The following STAB1 variants were observed in gnomAD, a reference collection of about 807,000 sequenced individuals.
STAB1 encodes the protein stabilin-1.
In STAB1, 250 loss-of-function variants were observed where a neutral mutation model predicts 332.4. That is an observed-to-expected ratio of 0.75 (90% CI 0.68 to 0.84). The LOEUF is 0.84. Among genes scored for constraint, STAB1 ranks in the 40% least tolerant of loss-of-function variants. The probability of loss-of-function intolerance (pLI) is 0.00; values close to 1 mark genes in which losing one functional copy is unlikely to be tolerated. For synonymous variants in STAB1, 1,475 were observed against 1,390.4 expected (o/e 1.06, Z -1.35); for missense variants, 3,249 against 3,489.7 (o/e 0.93, Z 1.74).
intron 10 of STAB1, 75 bp downstream of exon 10, chr3:52,504,230 T>G: frequency 1.3e-6 from 2 of 1,526,522 alleles, no homozygotes; most frequent in South Asian, 2.4e-5. Context: ...AGGAGCTGCC[T>G]CTGCAGATTC....
chr3:52,511,618 G>A, intron 25 of STAB1, 32 bp from the exon 26 acceptor site: 1 of 1,580,494 alleles, frequency 6.3e-7, no homozygotes, highest in Non-Finnish European at 8.6e-7. Context: ...TGCTCATCAT[G>A]AGACAAGGCC....
chr3:52,517,685 C>T (rs1473178478), intron 44 of STAB1, 61 bp downstream of exon 44: 1 of 1,590,310 alleles, frequency 6.3e-7, no homozygotes, highest in East Asian at 2.2e-5. Flanking sequence ...GAGGCAGGAA[C>T]CAGCCCTTCT....
chr3:52,509,697 C>A (rs1709147913), intron 22 of STAB1, among the ~76,000 whole-genome samples, 173 bp from the exon 23 acceptor site: 1 of 152,178 alleles, frequency 6.6e-6, no homozygotes, highest in African/African-American at 2.4e-5. Flanking sequence ...CAGAATGCCC[C>A]CCTCACATTT....
chr3:52,516,499 G>C lies in STAB1; in HGVS notation c.4241-43G>C, dbSNP rs764089485. ...GGGGCAGGTGGCTACTGAGGAGGCT[G>C]TTCCTGGGTCTGAATGACCAGAGTC... On this transcript the variant is annotated intron_variant, in intron 39 of 68. Coordinates refer to ENST00000321725, the MANE Select transcript of STAB1 (RefSeq NM_015136.3). The C allele has an allele frequency of 2.5e-6, 4 of 1,613,512 alleles. No homozygotes were observed. In the Admixed American group the frequency reaches 6.7e-5, roughly 27 times the overall value.
At chr3:52,516,501 T>C in intron 39 of STAB1, 41 bp from the exon 40 acceptor site, 1 of 1,613,416 alleles carries the variant, frequency 6.2e-7, no homozygotes, top group Non-Finnish European at 8.5e-7. Flanking sequence ...AGGAGGCTGT[T>C]CCTGGGTCTG....
At chr3:52,510,563 C>A in intron 25 of STAB1, 56 bp downstream of exon 25, 3 of 1,564,548 alleles carry the variant, frequency 1.9e-6, no homozygotes, top group Non-Finnish European at 2.6e-6. Flanking sequence ...TCTCTCCCTG[C>A]CCCATCTGAC....
In STAB1 at chr3:52,518,578, G is replaced by A. The variant is rs746734339; in HGVS notation, c.4852G>A (p.Val1618Met). Residue 1618 changes from valine (V) to methionine (M), a missense_variant, in exon 47 of 69, where the codon GTG (valine) becomes ATG (methionine). Val to Met is a conservative substitution (Grantham distance 21). Coordinates refer to ENST00000321725, the MANE Select transcript of STAB1 (RefSeq NM_015136.3). ...GGGCGATGGGCCTTTCACCATCTTC[G>A]TGCCGCACGCAGATCTAATGAGCAA... ...LKGDGPFTIF[V>M]PHADLMSNLS... is the part of the protein sequence containing the mutation. 12 of 1,601,148 alleles carry A rather than the reference G, an allele frequency of 7.5e-6. No individual in the cohort carries two copies. The highest frequency in any genetic ancestry group is 1.6e-4 in the Middle Eastern group (1 of 6,070).
intron 42 of STAB1, 93 bp downstream of exon 42, chr3:52,517,202 G>A (rs1449514804): frequency 1.3e-6 from 2 of 1,502,558 alleles, no homozygotes; most frequent in Non-Finnish European, 1.8e-6. Context: ...GGGGCACATG[G>A]GACTTGTGGG....
chr3:52,521,731 C>T (rs1409173811), intron 57 of STAB1, 31 bp downstream of exon 57: 4 of 1,611,410 alleles, frequency 2.5e-6, no homozygotes, highest in South Asian at 1.1e-5. Flanking sequence ...GCCCACCCTA[C>T]ACACTTGTGT....
rs943401351 is a variant in STAB1, at chr3:52,524,389, G to C, written c.*33G>C. The C allele has an allele frequency of 1.9e-6, 3 of 1,613,156 alleles. No individual in the cohort carries two copies. The East Asian group carries it at 6.7e-5, about 36-fold the overall frequency. ...GGGGCTGAAAGCAGAAGCATGCACA[G>C]GGAGGAGACCACTTTTATTGCTTGT... On this transcript the variant is annotated 3_prime_UTR_variant, in exon 69 of 69. Transcript: ENST00000321725.
At chr3:52,497,336 T>C (rs911329762) in intron 1 of STAB1, among the ~76,000 whole-genome samples, 2 of 151,676 alleles carry the variant, frequency 1.3e-5, no homozygotes, top group Non-Finnish European at 2.9e-5. Flanking sequence ...TTGTATTCGG[T>C]ATTATAAGTC....
Position 52,522,189 on chromosome 3 carries a change from G to A in STAB1, c.6424G>A (p.Gly2142Arg), listed in dbSNP as rs768469867. The A allele has an allele frequency of 7.4e-6, 12 of 1,612,688 alleles. No homozygotes were observed. The highest frequency in any genetic ancestry group is 3.3e-5 in the South Asian group (3 of 91,068). Residue 2142 changes from glycine to arginine, a missense_variant, in exon 59 of 69, where the codon GGG becomes AGG. Coordinates refer to ENST00000321725, the MANE Select transcript of STAB1 (RefSeq NM_015136.3). ...ARNPCTDGHR[G>R]GCSEHANCLS... ...CAACCCCTGCACAGATGGCCACCGC[G>A]GGGGCTGCAGCGAGCACGCCAACTG...
chr3:52,524,205 C>A lies in STAB1; in HGVS notation c.7648C>A (p.Pro2550Thr). Residue 2550 changes from proline (P) to threonine (T), a missense_variant, in exon 68 of 69, where the codon CCC becomes ACC. Coordinates refer to ENST00000321725, the MANE Select transcript of STAB1 (RefSeq NM_015136.3). ...CTTTGGCAGCGACACCTTTTGTGAACCCTTCGATGTAAGCATGGAAGTGAA... is the reference window on the plus strand; with the variant it reads ...CTTTGGCAGCGACACCTTTTGTGAAACCTTCGATGTAAGCATGGAAGTGAA... ...PVFGSDTFCEPFDDSLLEEDF... is the reference protein window; with the variant it reads ...PVFGSDTFCETFDDSLLEEDF... 1 of 1,614,098 alleles carries A rather than the reference C, an allele frequency of 6.2e-7. No homozygotes were observed. Among genetic ancestry groups the A allele is most frequent in the South Asian group, 1.1e-5 (1 of 91,090 alleles).
chr3:52,503,535 G>A lies in STAB1; in HGVS notation c.886G>A (p.Gly296Ser), dbSNP rs1264361182. The change falls in exon 8 of 69, where the codon GGC becomes AGC. Residue 296 changes from glycine (G) to serine (S), a missense_variant. By Grantham distance (56) the Gly-to-Ser change is moderately conservative. Transcript: ENST00000321725. ...NSTLCVYQKPGQAFCTCRPGL... is the reference protein window; with the variant it reads ...NSTLCVYQKPSQAFCTCRPGL... ...TACTTTGTGTGTGTACCAGAAGCCG[G>A]GCCAGGTGAGCCAGGGTCCCAGGCC... 6.2e-7 allele frequency: 1 copy of A among 1,613,146 alleles called. No homozygotes were observed. The highest frequency in any genetic ancestry group is 8.5e-7 in the Non-Finnish European group (1 of 1,179,790).
chr3:52,517,622 A>G lies in STAB1; in HGVS notation c.4636A>G (p.Lys1546Glu). The G allele has an allele frequency of 6.2e-7, 1 of 1,612,700 alleles. No individual in the cohort carries two copies. The highest frequency in any genetic ancestry group is 8.5e-7 in the Non-Finnish European group (1 of 1,179,818). ...RTCELLDPCS[K>E]NNGGCSPYAT... ...CTGCGAGCTCCTGGACCCCTGCTCT[A>G]AGGTCAGGACCCTAGTCCTGTCCTC... The change falls in exon 44 of 69, where the codon AAG (lysine) becomes GAG (glutamate). Residue 1546 changes from lysine to glutamate, a missense_variant and splice_region_variant. By Grantham distance (56) the Lys-to-Glu change is moderately conservative. Coordinates refer to ENST00000321725, the MANE Select transcript of STAB1 (RefSeq NM_015136.3).
At chr3:52,503,621 T>A in intron 8 of STAB1, 81 bp downstream of exon 8, 2 of 1,569,442 alleles carry the variant, frequency 1.3e-6, no homozygotes, top group South Asian at 2.4e-5. Context: ...GTCACAGGCC[T>A]TCTGGTAGCC....
In STAB1 at chr3:52,523,534, C is replaced by T. The variant is rs751391474; in HGVS notation, c.7248C>T (p.Ile2416=). 2 of 1,612,928 alleles carry T rather than the reference C, an allele frequency of 1.2e-6. No homozygotes were observed. The highest frequency in any genetic ancestry group is 1.1e-5 in the South Asian group (1 of 91,084). The change falls in exon 65 of 69, where the codon ATC becomes ATT. Residue 2416 remains isoleucine, a synonymous_variant. Transcript: ENST00000321725. ...CGGCCCACTCAGGCCTCAGCCTCAT[C>T]ATCAGTGACGCAGGCCCTGACAACA... ...LLPAHSGLSL[I]ISDAGPDNSS... is the part of the protein sequence containing the mutation.
chr3:52,509,091 G>A (rs1709098436), intron 21 of STAB1, 119 bp from the exon 22 acceptor site: 1 of 865,838 alleles, frequency 1.2e-6, no homozygotes, highest in Non-Finnish European at 1.7e-6. Context: ...TCCCTTCCAG[G>A]ATGAGCTCTC....
rs776261482 is a variant in STAB1 at position 52,519,340 on chromosome 3, T to C, written c.5111T>C (p.Ile1704Thr). The C allele has an allele frequency of 1.4e-5, 22 of 1,613,158 alleles. No individual in the cohort carries two copies. The highest frequency in any genetic ancestry group is 5.5e-5 in the South Asian group (5 of 91,088). Residue 1704 changes from isoleucine (I) to threonine (T), a missense_variant, in exon 49 of 69, where the codon ATT becomes ACT. Transcript: ENST00000321725. ...HEAVNGILHF[I>T]DRVLLPPEAL... ...GCCGTGAACGGCATCCTGCACTTCA[T>C]TGACCGTGTCCTGCTGCCCCCCGAG...
Sources: allele counts gnomAD v4.1 joint callset (sites outside exome capture counted in the v4.1 genomes callset), GRCh38; gene constraint gnomAD v4.1.1; transcripts MANE v1.5; gene names NCBI Gene and HGNC (gene_info 2026-07-23, HGNC 2026-07-21).